The following AFG2A variants were observed in gnomAD, a reference collection of about 807,000 sequenced individuals.
AFG2A encodes AAA ATPase AFG2A, also known as ATPase family gene 2 protein homolog A.
At chr4:123,300,831 A>G in the AFG2A span, among the ~76,000 whole-genome samples, 3 of 151,688 alleles carry the variant, frequency 2.0e-5, no homozygotes, top group African/African-American at 7.3e-5. Flanking sequence ...CTAAACAAGC[A>G]TTTAGTTATA....
At chr4:123,083,550 A>G in the AFG2A span, among the ~76,000 whole-genome samples, 1 of 150,526 alleles carries the variant, frequency 6.6e-6, no homozygotes, top group Admixed American at 6.6e-5. Flanking sequence ...ATAATGGTAT[A>G]TAATTATTCT....
chr4:123,060,069 C>T, the AFG2A span, among the ~76,000 whole-genome samples: 1 of 152,190 alleles, frequency 6.6e-6, no homozygotes, highest in Non-Finnish European at 1.5e-5. Flanking sequence ...ATCCATGCCT[C>T]ACATCCAGGT....
chr4:123,250,158 T>C, the AFG2A span, among the ~76,000 whole-genome samples: 1,770 of 152,266 alleles, frequency 0.012, 31 homozygotes, highest in African/African-American at 0.04. Flanking sequence ...TCTATGTTAA[T>C]GAAATTAGAT....
At chr4:123,275,489 T>C in the AFG2A span, among the ~76,000 whole-genome samples, 386 of 152,282 alleles carry the variant, frequency 2.5e-3, 1 homozygote, top group African/African-American at 8.9e-3. Flanking sequence ...GGTTTTCCTT[T>C]TTTTAATTTA....
the AFG2A span, among the ~76,000 whole-genome samples, chr4:122,982,469 C>G: frequency 6.6e-6 from 1 of 152,166 alleles, no homozygotes; most frequent in African/African-American, 2.4e-5. Flanking sequence ...TCTATTCTTA[C>G]AGCATTCTTG....
At chr4:122,927,520 G>A in the AFG2A span, 1 of 1,040,500 alleles carries the variant, frequency 9.6e-7, no homozygotes, top group Non-Finnish European at 1.4e-6. Flanking sequence ...TCCAGGGTAT[G>A]GTAAGTACAT....
At chr4:123,001,700 T>G in the AFG2A span, among the ~76,000 whole-genome samples, 1 of 152,166 alleles carries the variant, frequency 6.6e-6, no homozygotes, top group East Asian at 1.9e-4. Context: ...CTTTTACATT[T>G]GCTGAGGAGA....
At chr4:123,132,296 A>G in the AFG2A span, among the ~76,000 whole-genome samples, 1 of 151,980 alleles carries the variant, frequency 6.6e-6, no homozygotes, top group Non-Finnish European at 1.5e-5. Flanking sequence ...ACTTTTCCCA[A>G]CCCTTAGGTC....
chr4:123,187,748 C>T, the AFG2A span, among the ~76,000 whole-genome samples: 1 of 152,024 alleles, frequency 6.6e-6, no homozygotes, highest in South Asian at 2.1e-4. Context: ...GTAATCCCTG[C>T]ACTTTGGGAG....
chr4:123,262,382 G>A, the AFG2A span, among the ~76,000 whole-genome samples: 2 of 152,166 alleles, frequency 1.3e-5, no homozygotes, highest in South Asian at 4.1e-4. Context: ...CTAAAGTCAA[G>A]CAAAAGAAAT....
the AFG2A span, chr4:122,933,350 A>G: frequency 9.9e-7 from 1 of 1,006,054 alleles, no homozygotes; most frequent in Non-Finnish European, 1.5e-6. Flanking sequence ...TTAAGTCTAT[A>G]TTATAACCAT....
chr4:123,095,056 T>G, the AFG2A span, among the ~76,000 whole-genome samples: 1 of 52,016 alleles, frequency 1.9e-5, no homozygotes, highest in Non-Finnish European at 5.6e-5. Context: ...TATATATATA[T>G]ATATATATAT....
At chr4:123,272,454 C>T in the AFG2A span, among the ~76,000 whole-genome samples, 17 of 152,274 alleles carry the variant, frequency 1.1e-4, no homozygotes, top group Non-Finnish European at 2.1e-4. Flanking sequence ...TATGGCTGTA[C>T]AAATTGGTTT....
At chr4:123,080,331 C>A in the AFG2A span, among the ~76,000 whole-genome samples, 1 of 152,350 alleles carries the variant, frequency 6.6e-6, no homozygotes, top group Non-Finnish European at 1.5e-5. Context: ...CCGCAGCCAC[C>A]TGCAAGCCAA....
At chr4:123,235,141 A>C in the AFG2A span, among the ~76,000 whole-genome samples, 1 of 152,170 alleles carries the variant, frequency 6.6e-6, no homozygotes, top group African/African-American at 2.4e-5. Context: ...ATGCAGTTCT[A>C]GCACCATAGG....
the AFG2A span, among the ~76,000 whole-genome samples, chr4:123,120,752 C>A: frequency 6.6e-6 from 1 of 152,078 alleles, no homozygotes; most frequent in Middle Eastern, 3.2e-3. Context: ...GTAAACAAAC[C>A]TGCTGTGCTA....
chr4:123,058,532 G>A, the AFG2A span, among the ~76,000 whole-genome samples: 1 of 152,206 alleles, frequency 6.6e-6, no homozygotes, highest in South Asian at 2.1e-4. Context: ...GGCTGAGGCA[G>A]GAGAATTGCT....
At chr4:122,985,150 A>G in the AFG2A span, among the ~76,000 whole-genome samples, 1 of 138,808 alleles carries the variant, frequency 7.2e-6, no homozygotes, top group Non-Finnish European at 1.5e-5. Context: ...GAGACGGAGT[A>G]GTTTTGCTCT....
the AFG2A span, among the ~76,000 whole-genome samples, chr4:123,223,523 C>T: frequency 6.6e-6 from 1 of 152,152 alleles, no homozygotes; most frequent in African/African-American, 2.4e-5. Context: ...AACTTCCAAT[C>T]ATGGCAGAAG....
Sources: allele counts gnomAD v4.1 joint callset (sites outside exome capture counted in the v4.1 genomes callset), GRCh38; gene constraint gnomAD v4.1.1; transcripts MANE v1.5; gene names NCBI Gene and HGNC (gene_info 2026-07-23, HGNC 2026-07-21).